The following CCDC77 variants were observed in gnomAD, a reference collection of about 807,000 sequenced individuals.
The protein encoded by CCDC77 is coiled-coil domain containing 77.
Under a neutral mutation model 66.8 loss-of-function variants are expected in CCDC77, and 56 were observed. That is an observed-to-expected ratio of 0.84 (90% CI 0.68 to 1.05). CCDC77 has a LOEUF of 1.05. CCDC77 is among the 50% of genes least tolerant of loss of function. The pLI is 0.00. For synonymous variants in CCDC77, 196 were observed against 195.2 expected (o/e 1.00, Z -0.03); for missense variants, 570 against 576.8 (o/e 0.99, Z 0.12).
At chr12:424,848 A>C (rs555787148) in intron 5 of CCDC77, among the ~76,000 whole-genome samples, 1 of 150,738 alleles carries the variant, frequency 6.6e-6, no homozygotes, top group Non-Finnish European at 1.5e-5. Flanking sequence ...TTCCAACTTC[A>C]TTATTTTGCA....
Position 418,490 on chromosome 12 carries a change from G to A in CCDC77, c.271-4G>A. 1 of 1,612,384 alleles carries A rather than the reference G, an allele frequency of 6.2e-7. No individual in the cohort carries two copies. The highest frequency in any genetic ancestry group is 8.5e-7 in the Non-Finnish European group (1 of 1,179,516). The stretch of plus-strand genomic sequence containing the variant: ...TCAACTATCTTATTGTGGTTTTTTT[G>A]CAGCATAAACTTGAATGTGATTTGC... On this transcript the variant is annotated splice_region_variant and splice_polypyrimidine_tract_variant and intron_variant, in intron 4 of 12. Coordinates refer to ENST00000239830, the MANE Select transcript of CCDC77 (RefSeq NM_032358.4).
intron 9 of CCDC77, among the ~76,000 whole-genome samples, chr12:435,605 A>C (rs1945735921): frequency 6.6e-6 from 1 of 152,242 alleles, no homozygotes; most frequent in Non-Finnish European, 1.5e-5. Context: ...AGAACTCCAC[A>C]ACTTAGTACT....
intron 1 of CCDC77, among the ~76,000 whole-genome samples, chr12:405,028 A>G (rs1020298704): frequency 1.3e-5 from 2 of 152,148 alleles, no homozygotes; most frequent in Non-Finnish European, 2.9e-5. Flanking sequence ...AGCCGCTTCA[A>G]ATTACTCTTA....
In CCDC77 at chr12:431,924, C is replaced by A. The variant is rs1029778365; in HGVS notation, c.642C>A (p.Tyr214Ter). 2 of 1,611,852 alleles carry A rather than the reference C, an allele frequency of 1.2e-6. No homozygotes were observed. The highest frequency in any genetic ancestry group is 1.7e-6 in the Non-Finnish European group (2 of 1,178,804). Residue 214 changes from tyrosine to a stop codon, truncating the protein, a stop_gained, in exon 8 of 13, where the codon TAC (tyrosine) becomes TAA (stop). Coordinates refer to ENST00000239830, the MANE Select transcript of CCDC77 (RefSeq NM_032358.4). LOFTEE classifies it high-confidence loss of function. ...SRERKESSEH[Y>*]QRDIQTLILQ... ...AGAGAAAAGAAAGTTCTGAGCATTA[C>A]CAAAGAGACATACAGACACTCATCC... is the stretch of plus-strand genomic sequence containing the variant.
chr12:409,235 AC>A, intron 2 of CCDC77, 132 bp from the exon 3 acceptor site: 1 of 677,326 alleles, frequency 1.5e-6, no homozygotes, highest in Non-Finnish European at 2.5e-6. Context: ...GAAAAAAAAA[AC>A]TACATTTTAA....
chr12:415,217 G>A (rs1056905494), intron 4 of CCDC77, among the ~76,000 whole-genome samples: 1 of 150,042 alleles, frequency 6.7e-6, no homozygotes, highest in African/African-American at 2.5e-5. Flanking sequence ...TTCCACTGTG[G>A]ACTTGTATGC....
At chr12:441,679 AAAGGAGCTAGCAT>A in intron 12 of CCDC77, 82 bp from the exon 13 acceptor site, 1 of 1,340,016 alleles carries the variant, frequency 7.5e-7, no homozygotes, top group African/African-American at 1.5e-5. Context: ...AATCTCACAA[AAAGGAGCTAGCAT>A]AGCTGTGTCT....
chr12:438,523 A>T lies in CCDC77; in HGVS notation c.1010A>T (p.Glu337Val). The change falls in exon 10 of 13, where the codon GAG (glutamate) becomes GTG (valine). Residue 337 changes from glutamate (E) to valine (V), a missense_variant. By Grantham distance (121) the Glu-to-Val change is moderately radical. Transcript: ENST00000239830. ...GGAAAAGTGTTGCCCGTTATGCATG[A>T]GAGTCACCATGCTCAAAGTGAATAT... ...KIGKVLPVMH[E>V]SHHAQSEYIK... 6.2e-7 allele frequency: 1 copy of T among 1,613,052 alleles called. No homozygotes were observed. Among genetic ancestry groups the T allele is most frequent in the Non-Finnish European group, 8.5e-7 (1 of 1,179,082 alleles).
Position 438,386 on chromosome 12 carries a change from A to T in CCDC77, c.873A>T (p.Gln291His). The T allele has an allele frequency of 3.7e-6, 6 of 1,614,040 alleles. No homozygotes were observed. Among genetic ancestry groups the T allele is most frequent in the Non-Finnish European group, 5.1e-6 (6 of 1,179,932 alleles). ...ATGAGAGCACCAAAGATTTTCTGCA[A>T]CTCAGATCTGAAAACCAAAATAAAG... ...LLYESTKDFLQLRSENQNKEK... is the reference protein window; with the variant it reads ...LLYESTKDFLHLRSENQNKEK... The change falls in exon 10 of 13, where the codon CAA (glutamine) becomes CAT (histidine). Residue 291 changes from glutamine (Q) to histidine (H), a missense_variant. By Grantham distance (24) the Gln-to-His change is conservative. Coordinates refer to ENST00000239830, the MANE Select transcript of CCDC77 (RefSeq NM_032358.4).
chr12:418,514 G>A lies in CCDC77; in HGVS notation c.291G>A (p.Leu97=). ...CEGQHKLECD[L]QQREEEIAEL... ...TGCAGCATAAACTTGAATGTGATTT[G>A]CAGCAGAGGGAGGAAGAGATTGCTG... The change falls in exon 5 of 13, where the codon TTG becomes TTA. Residue 97 remains leucine (L), a synonymous_variant. Coordinates refer to ENST00000239830, the MANE Select transcript of CCDC77 (RefSeq NM_032358.4). 6.2e-7 allele frequency: 1 copy of A among 1,614,048 alleles called. No individual in the cohort carries two copies. Among genetic ancestry groups the A allele is most frequent in the East Asian group, 2.2e-5 (1 of 44,882 alleles).
intron 8 of CCDC77, 97 bp from the exon 9 acceptor site, chr12:433,077 T>A: frequency 1.5e-6 from 2 of 1,291,372 alleles, no homozygotes; most frequent in Non-Finnish European, 2.2e-6. Context: ...TGTTTGTGTT[T>A]GTTTTTTAAT....
At chr12:392,661 C>T in intron 1 of CCDC77, among the ~76,000 whole-genome samples, 1 of 151,954 alleles carries the variant, frequency 6.6e-6, no homozygotes, top group Middle Eastern at 3.2e-3. Flanking sequence ...AGGAGAATCG[C>T]TTGAACCTGG....
chr12:406,753 C>T (rs1358356730), intron 2 of CCDC77, among the ~76,000 whole-genome samples: 1 of 152,194 alleles, frequency 6.6e-6, no homozygotes, highest in East Asian at 1.9e-4. Flanking sequence ...TCAAGACCAG[C>T]CTGGCCAACA....
chr12:429,305 T>C (rs74846821), intron 6 of CCDC77, among the ~76,000 whole-genome samples: 3,048 of 152,274 alleles, frequency 0.02, 57 homozygotes, highest in East Asian at 0.11. Context: ...AATAGTTTGG[T>C]GTATATACTT....
At position 411,968 on chromosome 12, in the gene CCDC77, G is replaced by C. The variant is rs770047538; in HGVS notation, c.260G>C (p.Cys87Ser). ...LKKLELYKEA[C>S]EGQHKLECDL... is the part of the protein sequence containing the mutation. ...AAACTGGAACTCTACAAAGAAGCTT[G>C]TGAAGGACAGGTAAAGAAACGATGC... is the stretch of plus-strand genomic sequence containing the variant. The change falls in exon 4 of 13, where the codon TGT becomes TCT. Residue 87 changes from cysteine (C) to serine (S), a missense_variant. By Grantham distance (112) the Cys-to-Ser change is moderately radical. Coordinates refer to ENST00000239830, the MANE Select transcript of CCDC77 (RefSeq NM_032358.4). 3 of 1,612,426 alleles carry C rather than the reference G, an allele frequency of 1.9e-6. No homozygotes were observed. Among genetic ancestry groups the C allele is most frequent in the Non-Finnish European group, 2.5e-6 (3 of 1,179,000 alleles).
intron 4 of CCDC77, among the ~76,000 whole-genome samples, chr12:413,981 G>A (rs564896912): frequency 2.6e-5 from 4 of 151,738 alleles, no homozygotes; most frequent in Non-Finnish European, 4.4e-5. Flanking sequence ...CACTAAAACC[G>A]TGCCGTCTGC....
chr12:439,842 C>T (rs1189548917), intron 10 of CCDC77, among the ~76,000 whole-genome samples: 2 of 151,706 alleles, frequency 1.3e-5, no homozygotes, highest in Non-Finnish European at 2.9e-5. Context: ...AAAAGAATTA[C>T]ATGAAAATTA....
At chr12:416,357 GTGTGTGTGTGTGTGTGTGTGTATATA>G (rs1945267250) in intron 4 of CCDC77, among the ~76,000 whole-genome samples, 16 of 39,832 alleles carry the variant, frequency 4.0e-4, no homozygotes, top group South Asian at 3.5e-3. Flanking sequence ...GTGTGTGTGT[GTGTGTGTGTGTGTGTGTGTGTATATA>G]TATATATATA....
chr12:413,521 G>A (rs1385653350), intron 4 of CCDC77, among the ~76,000 whole-genome samples: 1 of 151,954 alleles, frequency 6.6e-6, no homozygotes, highest in East Asian at 1.9e-4. Context: ...TTTCAGGCAT[G>A]AGCCACTGCG....
Sources: allele counts gnomAD v4.1 joint callset (sites outside exome capture counted in the v4.1 genomes callset), GRCh38; gene constraint gnomAD v4.1.1; transcripts MANE v1.5; gene names NCBI Gene and HGNC (gene_info 2026-07-23, HGNC 2026-07-21).